The following ZNF678 variants were observed in gnomAD, a reference collection of about 807,000 sequenced individuals.
ZNF678 encodes zinc finger protein 678.
A neutral mutation model predicts 3.0 loss-of-function variants in ZNF678; 5 were observed. That is an observed-to-expected ratio of 1.69 (90% CI 0.88 to 3.56). The LOEUF is 3.56. ZNF678 is among the 30% of genes most tolerant of loss of function. The pLI is 0.00. For missense variants in ZNF678, 593 were observed against 605.0 expected, an observed-to-expected ratio of 0.98 and a Z score of 0.21; for synonymous variants, 218 against 199.6, an observed-to-expected ratio of 1.09 and a Z score of -0.78.
At chr1:227,571,431 A>G (rs1391381144) in intron 1 of ZNF678, among the ~76,000 whole-genome samples, 1 of 152,180 alleles carries the variant, frequency 6.6e-6, no homozygotes, top group African/African-American at 2.4e-5. Context: ...AGGTTCCTTG[A>G]CATCGGTTTA....
Position 227,654,646 on chromosome 1 carries a change from A to G in ZNF678, c.396A>G (p.Lys132=). ...CATACAAATGTGAAGAATGTGGCAA[A>G]GTTTTCAATCGATGTTCAAACCTAA... ...EKPYKCEECG[K]VFNRCSNLTK... The change falls in exon 4 of 4, where the codon AAA becomes AAG. Residue 132 remains lysine (K), a synonymous_variant. Transcript: ENST00000343776. The G allele has an allele frequency of 6.2e-7, 1 of 1,613,244 alleles. No individual in the cohort carries two copies. Among genetic ancestry groups the G allele is most frequent in the African/African-American group, 1.3e-5 (1 of 74,992 alleles).
At chr1:227,652,423 T>G (rs539530753) in intron 3 of ZNF678, among the ~76,000 whole-genome samples, 2 of 152,258 alleles carry the variant, frequency 1.3e-5, no homozygotes, top group African/African-American at 4.8e-5. Context: ...GTCTTTTGAT[T>G]GGGATGTTTT....
At chr1:227,582,427 T>C (rs1275311222) in intron 1 of ZNF678, 1 of 154,522 alleles carries the variant, frequency 6.5e-6, no homozygotes, top group Admixed American at 6.5e-5. Flanking sequence ...AATCCTTCAA[T>C]CCTTCCATCT....
chr1:227,611,408 C>T (rs1388565438), intron 1 of ZNF678, among the ~76,000 whole-genome samples: 1 of 152,212 alleles, frequency 6.6e-6, no homozygotes, highest in Non-Finnish European at 1.5e-5. Flanking sequence ...CACAATCAGC[C>T]TCCCTCACTC....
intron 1 of ZNF678, among the ~76,000 whole-genome samples, chr1:227,624,044 AAGT>A (rs1351230039): frequency 1.3e-5 from 2 of 152,202 alleles, no homozygotes; most frequent in Admixed American, 6.5e-5. Context: ...TATGTACTAT[AAGT>A]AGTAGGTAGA....
chr1:227,612,119 A>G (rs1186876672), intron 1 of ZNF678, among the ~76,000 whole-genome samples: 2 of 152,174 alleles, frequency 1.3e-5, no homozygotes, highest in Non-Finnish European at 1.5e-5. Flanking sequence ...TACTTTAGTG[A>G]TGGACATGCA....
downstream of ZNF678, among the ~76,000 whole-genome samples, chr1:227,664,849 C>T (rs1163854243): frequency 6.6e-6 from 1 of 152,062 alleles, no homozygotes; most frequent in African/African-American, 2.4e-5. Flanking sequence ...ACTGATTTCT[C>T]ACGCTCCCCA....
rs1341592936 is a variant in ZNF678, at chr1:227,662,071, C to T, written c.*6243C>T. 1 of 152,150 alleles carries T rather than the reference C, an allele frequency of 6.6e-6. No individual in the cohort carries two copies. 9.4% of individuals were successfully genotyped at this position (152,150 alleles called of 1,614,324 possible). Reference sequence around the variant, plus strand: ...GACATGAGTATTTAAGGAGAAGGTTCTAGGCTTCCGAAGTAAAATTGGATG... The same window carrying T: ...GACATGAGTATTTAAGGAGAAGGTTTTAGGCTTCCGAAGTAAAATTGGATG... On this transcript the variant is annotated 3_prime_UTR_variant, in exon 4 of 4. Coordinates refer to ENST00000343776, the MANE Select transcript of ZNF678 (RefSeq NM_001367909.1).
chr1:227,676,174 T>C (rs1659676796), intron 5 of ZNF678, among the ~76,000 whole-genome samples: 3 of 152,188 alleles, frequency 2.0e-5, no homozygotes, highest in Non-Finnish European at 2.9e-5. Context: ...AAGTTTAGAC[T>C]TAAATCACCT....
intron 1 of ZNF678, among the ~76,000 whole-genome samples, chr1:227,594,843 C>G (rs1293925568): frequency 6.6e-6 from 1 of 152,040 alleles, no homozygotes; most frequent in Non-Finnish European, 1.5e-5. Context: ...TAAATTCCGC[C>G]CCCCCCTTTT....
intron 1 of ZNF678, among the ~76,000 whole-genome samples, chr1:227,616,831 A>AC (rs1333355146): frequency 6.6e-6 from 1 of 152,076 alleles, no homozygotes; most frequent in African/African-American, 2.4e-5. Context: ...ATTATAGGGT[A>AC]CCCCCATGAG....
intron 5 of ZNF678, among the ~76,000 whole-genome samples, chr1:227,667,492 T>A (rs1571927190): frequency 6.6e-6 from 1 of 152,176 alleles, no homozygotes; most frequent in Non-Finnish European, 1.5e-5. Context: ...CCACTACAAT[T>A]AAAAGTAGAA....
intron 5 of ZNF678, among the ~76,000 whole-genome samples, chr1:227,669,477 A>G (rs1249584761): frequency 1.1e-5 from 1 of 92,620 alleles, no homozygotes; most frequent in Non-Finnish European, 2.3e-5. Flanking sequence ...TCTACTAAAA[A>G]TATATATATA....
chr1:227,674,922 C>A (rs779696993), intron 5 of ZNF678, among the ~76,000 whole-genome samples: 1 of 152,048 alleles, frequency 6.6e-6, no homozygotes, highest in East Asian at 1.9e-4. Context: ...AATTGAAATT[C>A]TTTTATTGTT....
At chr1:227,635,085 C>A (rs376741276) in intron 1 of ZNF678, among the ~76,000 whole-genome samples, 54 of 145,486 alleles carry the variant, frequency 3.7e-4, no homozygotes, top group African/African-American at 5.3e-4. Flanking sequence ...GCCTGGTAAT[C>A]AAAAAAAAAA....
rs369768128 is a variant in ZNF678, at chr1:227,654,331, T to C, written c.86-5T>C. On this transcript the variant is annotated splice_region_variant and splice_polypyrimidine_tract_variant and intron_variant, in intron 3 of 3. Transcript: ENST00000343776. ...AGAATAACTTTTTATTTTTATTTCTTTCAGCTATTTTATCTTATTCCATTC... is the reference window on the plus strand; with the variant it reads ...AGAATAACTTTTTATTTTTATTTCTCTCAGCTATTTTATCTTATTCCATTC... 9.3e-6 allele frequency: 14 copies of C among 1,500,664 alleles called. No individual in the cohort carries two copies. The highest frequency in any genetic ancestry group is 1.2e-5 in the Non-Finnish European group (14 of 1,128,332). 93.0% of individuals were successfully genotyped at this position (1,500,664 alleles called of 1,614,324 possible). A position where few individuals can be genotyped will look rare whatever the true frequency, so the allele number is the denominator to read the frequency against.
chr1:227,593,748 A>G (rs184114105), intron 1 of ZNF678, among the ~76,000 whole-genome samples: 167 of 152,180 alleles, frequency 1.1e-3, no homozygotes, highest in African/African-American at 3.9e-3. Flanking sequence ...AATAGAATAG[A>G]TGAAAAGAGT....
intron 1 of ZNF678, among the ~76,000 whole-genome samples, chr1:227,578,725 T>C (rs1321385551): frequency 6.6e-6 from 1 of 152,208 alleles, no homozygotes; most frequent in Admixed American, 6.5e-5. Flanking sequence ...ATCCATATTC[T>C]GAATCCTATT....
intron 1 of ZNF678, among the ~76,000 whole-genome samples, chr1:227,608,095 G>A (rs1359236894): frequency 6.6e-6 from 1 of 151,760 alleles, no homozygotes; most frequent in Non-Finnish European, 1.5e-5. Context: ...GGCTCCAAAA[G>A]TATAAATAAT....
Sources: gnomAD v4.1 joint callset for allele counts (sites outside exome capture counted in the v4.1 genomes callset) on GRCh38, gnomAD v4.1.1 for gene constraint, MANE v1.5 for transcripts, NCBI Gene and HGNC (gene_info 2026-07-23, HGNC 2026-07-21) for gene names.